RGPD2: variants seen among roughly 807,000 people sequenced by gnomAD.
The protein encoded by RGPD2 is RANBP2-like and GRIP domain-containing protein 2.
A neutral mutation model predicts 36.0 loss-of-function variants in RGPD2; 2 were observed. The observed-to-expected ratio is 0.06, with a 90% CI of 0.02 to 0.17. The LOEUF is 0.17. Among genes scored for constraint, RGPD2 ranks in the 10% least tolerant of loss-of-function variants. The probability of loss-of-function intolerance (pLI) is 1.00; values close to 1 mark genes in which losing one functional copy is unlikely to be tolerated. For missense variants in RGPD2, 40 were observed against 464.3 expected, an observed-to-expected ratio of 0.09 and a Z score of 8.40; for synonymous variants, 19 against 163.8, an observed-to-expected ratio of 0.12 and a Z score of 6.75.
At chr2:87,973,615 AT>A in the RGPD2 span, among the ~76,000 whole-genome samples, 1 of 136,276 alleles carries the variant, frequency 7.3e-6, no homozygotes, top group Admixed American at 7.9e-5. Context: ...GAGGGGCAGT[AT>A]TGGGGGACTG....
chr2:87,880,223 G>A, the RGPD2 span, among the ~76,000 whole-genome samples: 1 of 152,056 alleles, frequency 6.6e-6, no homozygotes, highest in African/African-American at 2.4e-5. Flanking sequence ...CCACTTACTG[G>A]ATATATAATT....
intron 22 of RGPD2, among the ~76,000 whole-genome samples, chr2:87,763,312 C>A (rs1298216633): frequency 6.7e-6 from 1 of 150,112 alleles, no homozygotes; most frequent in Non-Finnish European, 1.5e-5. Flanking sequence ...CGCCTGCCAA[C>A]ACGTCTGGCT....
At chr2:87,930,510 G>C in the RGPD2 span, among the ~76,000 whole-genome samples, 1 of 152,058 alleles carries the variant, frequency 6.6e-6, no homozygotes, top group African/African-American at 2.4e-5. Flanking sequence ...GTTCATCAAA[G>C]ATATGGGCCT....
chr2:87,935,263 G>A, the RGPD2 span, among the ~76,000 whole-genome samples: 1 of 148,920 alleles, frequency 6.7e-6, no homozygotes, highest in African/African-American at 2.5e-5. Flanking sequence ...AACAGTATCT[G>A]CCTCTATCTT....
chr2:87,825,537 C>CCGCCGCCCGGCCAGGT (rs1686739316), intron 1 of RGPD2, 121 bp downstream of exon 1: 4 of 588,590 alleles, frequency 6.8e-6, no homozygotes, highest in East Asian at 4.3e-4. Context: ...GAGGCCGAGG[C>CCGCCGCCCGGCCAGGT]CGAGGCCGCC....
the RGPD2 span, among the ~76,000 whole-genome samples, chr2:87,894,138 C>T: frequency 6.6e-6 from 1 of 151,794 alleles, no homozygotes; most frequent in Admixed American, 6.6e-5. Flanking sequence ...TCAGACTTCT[C>T]ACCTACAGAA....
the RGPD2 span, among the ~76,000 whole-genome samples, chr2:87,983,234 C>A: frequency 1.3e-5 from 2 of 152,316 alleles, no homozygotes; most frequent in South Asian, 4.2e-4. Flanking sequence ...GCACAAGAAT[C>A]GCTCCAACTT....
chr2:87,867,841 G>T, the RGPD2 span, among the ~76,000 whole-genome samples: 1 of 135,104 alleles, frequency 7.4e-6, no homozygotes, highest in Non-Finnish European at 1.6e-5. Context: ...GTAGAGATGG[G>T]GTTTCATCAT....
At chr2:87,855,109 T>G in the RGPD2 span, among the ~76,000 whole-genome samples, 1 of 152,066 alleles carries the variant, frequency 6.6e-6, no homozygotes, top group South Asian at 2.1e-4. Context: ...CTAGTCACCA[T>G]GCTATAAATT....
chr2:87,974,034 G>A, the RGPD2 span, among the ~76,000 whole-genome samples: 7 of 151,930 alleles, frequency 4.6e-5, no homozygotes, highest in South Asian at 2.1e-4. Context: ...TCACAACTCC[G>A]GGGGCATCAA....
chr2:87,923,417 G>T, the RGPD2 span, among the ~76,000 whole-genome samples: 1 of 152,208 alleles, frequency 6.6e-6, no homozygotes, highest in Non-Finnish European at 1.5e-5. Flanking sequence ...TAAAGAAAAT[G>T]CTTTTCTATC....
the RGPD2 span, among the ~76,000 whole-genome samples, chr2:87,983,779 T>C: frequency 6.7e-6 from 1 of 149,172 alleles, no homozygotes; most frequent in East Asian, 2.0e-4. Flanking sequence ...AGGGAAAGCA[T>C]TCTCCATAGA....
intron 22 of RGPD2, among the ~76,000 whole-genome samples, chr2:87,761,145 T>C (rs1258244881): frequency 7.9e-5 from 4 of 50,448 alleles, no homozygotes; most frequent in Non-Finnish European, 1.2e-4. Context: ...ATTTCTGTTA[T>C]GGTGTTTTTT....
At chr2:87,885,348 T>A in the RGPD2 span, among the ~76,000 whole-genome samples, 19 of 152,130 alleles carry the variant, frequency 1.2e-4, no homozygotes, top group African/African-American at 4.6e-4. Flanking sequence ...AGAAGGACTA[T>A]TCCTCAACAT....
the RGPD2 span, among the ~76,000 whole-genome samples, chr2:87,961,686 T>C: frequency 8.0e-5 from 5 of 62,202 alleles, no homozygotes; most frequent in Non-Finnish European, 1.5e-4. Context: ...TGGGCGAGAG[T>C]AAGACTTCCT....
chr2:87,975,861 T>TA, the RGPD2 span, among the ~76,000 whole-genome samples: 1 of 151,704 alleles, frequency 6.6e-6, no homozygotes. Context: ...GCAACTAGAT[T>TA]ATAAGATCCC....
At chr2:87,913,709 T>C in the RGPD2 span, among the ~76,000 whole-genome samples, 6 of 151,830 alleles carry the variant, frequency 4.0e-5, no homozygotes, top group Non-Finnish European at 7.4e-5. Flanking sequence ...TAGATGGTTT[T>C]CAGTCTATTT....
chr2:87,923,366 C>A, the RGPD2 span, among the ~76,000 whole-genome samples: 7,259 of 105,744 alleles, frequency 0.069, no homozygotes, highest in East Asian at 0.24. Flanking sequence ...ATTTTTGAAT[C>A]CTATATTTGA....
chr2:87,940,620 TA>T, the RGPD2 span, among the ~76,000 whole-genome samples: 1 of 85,014 alleles, frequency 1.2e-5, no homozygotes, highest in African/African-American at 3.2e-5. Context: ...TTATTCAAGA[TA>T]AATTTTCTGT....
Sources: allele counts gnomAD v4.1 joint callset (sites outside exome capture counted in the v4.1 genomes callset), GRCh38; gene constraint gnomAD v4.1.1; transcripts MANE v1.5; gene names NCBI Gene and HGNC (gene_info 2026-07-23, HGNC 2026-07-21).